DNAI7: variants seen among roughly 807,000 people sequenced by gnomAD.
The protein encoded by DNAI7 is dynein axonemal intermediate chain 7, also known as cancer susceptibility 1.
Under a neutral mutation model 86.6 loss-of-function variants are expected in DNAI7, and 78 were observed. That is an observed-to-expected ratio of 0.90 (90% CI 0.75 to 1.09). DNAI7 has a LOEUF of 1.09. Ranked by LOEUF, DNAI7 falls within the 50% of genes least tolerant of loss-of-function variation. DNAI7 has a pLI of 0.00. For missense variants in DNAI7, 753 were observed against 810.2 expected, an observed-to-expected ratio of 0.93 and a Z score of 0.86; for synonymous variants, 274 against 273.0, an observed-to-expected ratio of 1.00 and a Z score of -0.04.
intron 14 of DNAI7, among the ~76,000 whole-genome samples, chr12:25,111,109 ATTC>A (rs1425386084): frequency 2.6e-5 from 4 of 152,206 alleles, no homozygotes; most frequent in African/African-American, 4.8e-5. Flanking sequence ...ATTCATAAAT[ATTC>A]TTGAGTACAG....
At chr12:25,158,685 A>C (rs1411870543) in intron 3 of DNAI7, 122 bp from the exon 4 acceptor site, 1 of 1,499,320 alleles carries the variant, frequency 6.7e-7, no homozygotes, top group African/African-American at 1.4e-5. Context: ...CACAGTCTTT[A>C]TTACATGGTA....
At position 25,123,287 on chromosome 12, in the gene DNAI7, C is replaced by T; in HGVS notation, c.1003-1G>A. ...CTTCAGATTCTTCCTCAGCAGAACT[C>T]TATAAAAAACCACAGACATATGGGT... On this transcript the variant is annotated splice_acceptor_variant, in intron 9 of 15. Coordinates refer to ENST00000395987, the MANE Select transcript of DNAI7 (RefSeq NM_018272.5). LOFTEE classifies it high-confidence loss of function. 1 of 1,599,794 alleles carries T rather than the reference C, an allele frequency of 6.3e-7. No individual in the cohort carries two copies. The highest frequency in any genetic ancestry group is 2.3e-5 in the East Asian group (1 of 44,406).
chr12:25,149,606 A>G (rs754067948), intron 7 of DNAI7, 22 bp downstream of exon 7: 2 of 1,552,748 alleles, frequency 1.3e-6, no homozygotes, highest in East Asian at 2.3e-5. Context: ...AACTTAATAT[A>G]TAAGCAAAAT....
At chr12:25,125,324 AGAT>A (rs1344848342) in intron 9 of DNAI7, among the ~76,000 whole-genome samples, 1 of 152,172 alleles carries the variant, frequency 6.6e-6, no homozygotes, top group Non-Finnish European at 1.5e-5. Flanking sequence ...GACTGGTGTG[AGAT>A]GATATCTCAT....
chr12:25,119,108 T>G (rs1485053966), intron 12 of DNAI7, 37 bp downstream of exon 12: 1 of 1,531,824 alleles, frequency 6.5e-7, no homozygotes, highest in Non-Finnish European at 8.8e-7. Context: ...TTTTTATGAT[T>G]ATCCCTCCTT....
intron 9 of DNAI7, among the ~76,000 whole-genome samples, chr12:25,133,045 G>T (rs1284441942): frequency 6.6e-6 from 1 of 151,934 alleles, no homozygotes; most frequent in Non-Finnish European, 1.5e-5. Flanking sequence ...AAGTACGAAA[G>T]GTCTTCTTAG....
intron 11 of DNAI7, 58 bp downstream of exon 11, chr12:25,121,695 A>G: frequency 2.2e-6 from 3 of 1,343,886 alleles, no homozygotes; most frequent in Non-Finnish European, 3.1e-6. Context: ...AATATGAAAT[A>G]AAGTAAAAGC....
intron 2 of DNAI7, among the ~76,000 whole-genome samples, chr12:25,177,380 A>G (rs1373458089): frequency 6.6e-6 from 1 of 152,126 alleles, no homozygotes; most frequent in African/African-American, 2.4e-5. Context: ...CTTTGTCTAT[A>G]TGAGTTTGAC....
intron 5 of DNAI7, 66 bp from the exon 6 acceptor site, chr12:25,154,522 T>C (rs1945931589): frequency 2.0e-6 from 3 of 1,523,324 alleles, no homozygotes; most frequent in Non-Finnish European, 2.7e-6. Flanking sequence ...AATGACTTCT[T>C]TTTTGAAGGT....
chr12:25,152,338 A>C (rs1363953322), intron 6 of DNAI7, among the ~76,000 whole-genome samples: 1 of 152,210 alleles, frequency 6.6e-6, no homozygotes, highest in East Asian at 1.9e-4. Context: ...GGGGATGAAG[A>C]TGAACTTAAA....
chr12:25,107,194 G>A (rs887996464), downstream of DNAI7: 1 of 434,242 alleles, frequency 2.3e-6, no homozygotes, highest in Non-Finnish European at 4.2e-6. Flanking sequence ...TGTATGTCAG[G>A]TTATCCTTGA....
intron 2 of DNAI7, chr12:25,185,637 G>T: frequency 4.0e-6 from 1 of 251,144 alleles, no homozygotes; most frequent in Non-Finnish European, 6.3e-6. Context: ...GATGTAAATT[G>T]ATTTAATTCC....
intron 3 of DNAI7, 125 bp downstream of exon 3, chr12:25,160,988 C>T (rs1467797048): frequency 6.3e-6 from 4 of 639,768 alleles, no homozygotes; most frequent in Non-Finnish European, 1.1e-5. Flanking sequence ...AGATAGATAC[C>T]TATTATAAAA....
chr12:25,124,061 T>TGTGTGTGTGTGTGTGTGC (rs1045679130), intron 9 of DNAI7, among the ~76,000 whole-genome samples: 7 of 151,522 alleles, frequency 4.6e-5, no homozygotes, highest in East Asian at 1.9e-4. Context: ...TGTGTGTGTG[T>TGTGTGTGTGTGTGTGTGC]GCTAATACTT....
chr12:25,162,672 T>C (rs1946965612), intron 2 of DNAI7, among the ~76,000 whole-genome samples: 1 of 152,204 alleles, frequency 6.6e-6, no homozygotes, highest in Non-Finnish European at 1.5e-5. Flanking sequence ...ACTTTTTCAC[T>C]GTTCATCCAC....
chr12:25,122,031 C>G, intron 10 of DNAI7, 118 bp from the exon 11 acceptor site: 1 of 690,776 alleles, frequency 1.4e-6, no homozygotes, highest in Non-Finnish European at 2.3e-6. Flanking sequence ...GCTACTAAAA[C>G]TTTTCAAAAA....
intron 2 of DNAI7, among the ~76,000 whole-genome samples, chr12:25,187,227 C>T (rs1052007502): frequency 6.6e-6 from 1 of 152,136 alleles, no homozygotes; most frequent in Admixed American, 6.6e-5. Flanking sequence ...GTTCTAACCA[C>T]ACTGGCATTT....
At chr12:25,124,286 A>C (rs777302934) in intron 9 of DNAI7, among the ~76,000 whole-genome samples, 83 of 152,066 alleles carry the variant, frequency 5.5e-4, no homozygotes, top group Non-Finnish European at 8.8e-4. Context: ...CCCCCTGACC[A>C]GCTTTAACAC....
At chr12:25,179,754 AC>A (rs1433538018) in intron 2 of DNAI7, among the ~76,000 whole-genome samples, 1 of 151,702 alleles carries the variant, frequency 6.6e-6, no homozygotes, top group East Asian at 1.9e-4. Context: ...AAAAAAAAAA[AC>A]CCTCAAAAAA....
Sources: allele counts gnomAD v4.1 joint callset (sites outside exome capture counted in the v4.1 genomes callset), GRCh38; gene constraint gnomAD v4.1.1; transcripts MANE v1.5; gene names NCBI Gene and HGNC (gene_info 2026-07-23, HGNC 2026-07-21).